Variants in KCNIP4 observed in about 807,000 individuals in gnomAD.
KCNIP4 encodes the protein potassium voltage-gated channel interacting protein 4.
A neutral mutation model predicts 34.0 loss-of-function variants in KCNIP4; 12 were observed. The ratio of observed to expected loss-of-function variants is 0.35; its 90% CI spans 0.23 to 0.57. The LOEUF (loss-of-function observed/expected upper bound fraction) is 0.57. KCNIP4 is among the 20% of genes least tolerant of loss of function. The pLI, the probability that KCNIP4 is intolerant of heterozygous loss-of-function variation, is 0.83. For synonymous variants in KCNIP4, 124 were observed against 102.2 expected (o/e 1.21, Z -1.29); for missense variants, 238 against 311.7 (o/e 0.76, Z 1.78).
chr4:21,429,097 G>A (rs1354208477), intron 1 of KCNIP4, among the ~76,000 whole-genome samples: 1 of 152,068 alleles, frequency 6.6e-6, no homozygotes, highest in Non-Finnish European at 1.5e-5. Flanking sequence ...TACAAAATAG[G>A]TTCACTGCCT....
intron 1 of KCNIP4, among the ~76,000 whole-genome samples, chr4:21,357,910 GAACT>G (rs1197268991): frequency 3.9e-5 from 6 of 152,134 alleles, no homozygotes; most frequent in Non-Finnish European, 5.9e-5. Flanking sequence ...CAAAAACTTG[GAACT>G]AACCCAAATG....
At chr4:21,091,431 TG>T (rs1185968365) in intron 1 of KCNIP4, among the ~76,000 whole-genome samples, 2 of 152,210 alleles carry the variant, frequency 1.3e-5, no homozygotes, top group Non-Finnish European at 2.9e-5. Flanking sequence ...GGTAATTTCA[TG>T]GAGATTTCAT....
rs5856652 is a variant in KCNIP4, at chr4:21,629,849, C to CTTTTTTTTTTTTTTTTTTTT, written c.61+318721_61+318722insAAAAAAAAAAAAAAAAAAAA. Reference sequence around the variant, plus strand: ...ACCATATTTCCTTTTCTTTTTCTTTCTTTTTTTTTTTTTTTTTTTGAGACA... The same window carrying CTTTTTTTTTTTTTTTTTTTT: ...ACCATATTTCCTTTTCTTTTTCTTTCTTTTTTTTTTTTTTTTTTTTTTTTTTTTTTTTTTTTTTTGAGACA... On this transcript the variant is annotated intron_variant, in intron 1 of 8. Transcript: ENST00000382152. Among the ~76,000 whole-genome samples the CTTTTTTTTTTTTTTTTTTTT allele has an allele frequency of 1.6e-3, 137 of 87,768 alleles. 7 individuals carry two copies. The highest frequency in any genetic ancestry group is 2.4e-3 in the African/African-American group (51 of 20,934). 57.6% of individuals were successfully genotyped at this position (87,768 alleles called of 152,430 possible). A position where few individuals can be genotyped will look rare whatever the true frequency, so the allele number is the denominator to read the frequency against.
intron 1 of KCNIP4, among the ~76,000 whole-genome samples, chr4:21,009,997 G>A (rs575445175): frequency 6.6e-6 from 1 of 152,336 alleles, no homozygotes; most frequent in Non-Finnish European, 1.5e-5. Flanking sequence ...AGTCCACAAT[G>A]AAGATGATGG....
chr4:20,806,196 C>G (rs1405770462), intron 3 of KCNIP4, among the ~76,000 whole-genome samples: 2 of 151,964 alleles, frequency 1.3e-5, no homozygotes, highest in East Asian at 3.9e-4. Context: ...TTTAAGTCCT[C>G]TATGCACCTT....
At chr4:21,459,274 C>G (rs527932801) in intron 1 of KCNIP4, among the ~76,000 whole-genome samples, 10 of 152,160 alleles carry the variant, frequency 6.6e-5, no homozygotes, top group African/African-American at 2.4e-4. Context: ...CTTACCTAAC[C>G]AGTGGCAGCA....
intron 1 of KCNIP4, among the ~76,000 whole-genome samples, chr4:21,392,809 G>T (rs541762555): frequency 1.8e-4 from 28 of 152,286 alleles, no homozygotes; most frequent in South Asian, 2.1e-4. Context: ...TTAAATGACG[G>T]TCACTAATTA....
intron 1 of KCNIP4, among the ~76,000 whole-genome samples, chr4:21,190,351 T>C (rs1482851173): frequency 6.6e-6 from 1 of 152,162 alleles, no homozygotes; most frequent in African/African-American, 2.4e-5. Flanking sequence ...TTAGTATTCA[T>C]TAGTATTGGT....
intron 1 of KCNIP4, among the ~76,000 whole-genome samples, chr4:21,698,240 C>T (rs891491360): frequency 6.6e-6 from 1 of 152,132 alleles, no homozygotes; most frequent in Non-Finnish European, 1.5e-5. Context: ...CTGCACAGCG[C>T]GGGCTCAGGT....
At chr4:21,441,493 T>C (rs1727479188) in intron 1 of KCNIP4, among the ~76,000 whole-genome samples, 1 of 152,130 alleles carries the variant, frequency 6.6e-6, no homozygotes, top group Non-Finnish European at 1.5e-5. Context: ...ACAAGAGTCC[T>C]AATTTGTAGG....
chr4:21,054,062 A>C (rs569744598), intron 1 of KCNIP4, among the ~76,000 whole-genome samples: 2 of 152,330 alleles, frequency 1.3e-5, no homozygotes, highest in South Asian at 4.1e-4. Context: ...ATACTGACAA[A>C]ATGATTCTAC....
At chr4:21,914,585 T>C (rs1316639216) in intron 1 of KCNIP4, among the ~76,000 whole-genome samples, 1 of 152,126 alleles carries the variant, frequency 6.6e-6, no homozygotes, top group African/African-American at 2.4e-5. Context: ...CAGGCAGGTC[T>C]TTCTGCTCAC....
intron 1 of KCNIP4, among the ~76,000 whole-genome samples, chr4:21,617,821 G>A (rs1046960319): frequency 2.0e-5 from 3 of 152,070 alleles, no homozygotes; most frequent in African/African-American, 7.2e-5. Context: ...AGGAGATCTC[G>A]CTTCTACTTC....
chr4:20,998,037 G>C (rs1274976682), intron 1 of KCNIP4, among the ~76,000 whole-genome samples: 1 of 152,206 alleles, frequency 6.6e-6, no homozygotes, highest in African/African-American at 2.4e-5. Flanking sequence ...AAGAGGGCCA[G>C]AGTGAGAGAG....
chr4:21,510,959 G>A (rs1235851432), intron 1 of KCNIP4, among the ~76,000 whole-genome samples: 1 of 152,102 alleles, frequency 6.6e-6, no homozygotes, highest in Non-Finnish European at 1.5e-5. Context: ...CATGAGAATT[G>A]CTTGAACTCG....
At chr4:21,089,378 C>T (rs1314331943) in intron 1 of KCNIP4, among the ~76,000 whole-genome samples, 1 of 152,130 alleles carries the variant, frequency 6.6e-6, no homozygotes, top group Non-Finnish European at 1.5e-5. Context: ...CTGAGGCCTC[C>T]ACAGCCAGGC....
intron 1 of KCNIP4, among the ~76,000 whole-genome samples, chr4:20,904,957 G>A (rs957227466): frequency 6.6e-6 from 1 of 152,092 alleles, no homozygotes; most frequent in Non-Finnish European, 1.5e-5. Flanking sequence ...GACTAGAGTA[G>A]TTTTGGAAAA....
At chr4:21,861,485 C>G (rs977016387) in intron 1 of KCNIP4, among the ~76,000 whole-genome samples, 1 of 152,020 alleles carries the variant, frequency 6.6e-6, no homozygotes, top group African/African-American at 2.4e-5. Flanking sequence ...AACCCCATCT[C>G]TATTAAAAAT....
intron 1 of KCNIP4, among the ~76,000 whole-genome samples, chr4:21,700,562 T>G (rs7676963): frequency 0.45 from 67,733 of 151,914 alleles, 18,523 homozygotes; most frequent in Non-Finnish European, 0.61. Context: ...TTTTGTTGTT[T>G]TTTTTTGTTT....
Sources: allele counts gnomAD v4.1 joint callset (sites outside exome capture counted in the v4.1 genomes callset), GRCh38; gene constraint gnomAD v4.1.1; transcripts MANE v1.5; gene names NCBI Gene and HGNC (gene_info 2026-07-23, HGNC 2026-07-21).